UTRN: variants seen among roughly 807,000 people sequenced by gnomAD.
UTRN encodes dystrophin-related protein 1.
A neutral mutation model predicts 463.9 loss-of-function variants in UTRN; 283 were observed. That is an observed-to-expected ratio of 0.61 (90% CI 0.55 to 0.67). The LOEUF (loss-of-function observed/expected upper bound fraction) is 0.67, where lower values mean the gene tolerates loss of function less well. Among genes scored for constraint, UTRN ranks in the 30% least tolerant of loss-of-function variants. The pLI is 0.00. For synonymous variants in UTRN, 1,442 were observed against 1,431.5 expected, an observed-to-expected ratio of 1.01 and a Z score of -0.17; for missense variants, 3,922 against 4,084.3, an observed-to-expected ratio of 0.96 and a Z score of 1.08.
intron 34 of UTRN, among the ~76,000 whole-genome samples, chr6:144,502,110 T>G (rs1450817775): frequency 2.6e-5 from 4 of 151,992 alleles, no homozygotes; most frequent in African/African-American, 7.2e-5. Context: ...AGTTTTATTT[T>G]TTTTTTGAAA....
intron 63 of UTRN, 111 bp downstream of exon 63, chr6:144,794,102 G>A (rs1481014602): frequency 1.4e-6 from 2 of 1,423,204 alleles, no homozygotes; most frequent in Non-Finnish European, 1.9e-6. Flanking sequence ...GAAGACTTTG[G>A]GTACCATCCA....
intron 3 of UTRN, among the ~76,000 whole-genome samples, chr6:144,411,584 A>C (rs1375116706): frequency 6.6e-6 from 1 of 152,178 alleles, no homozygotes; most frequent in African/African-American, 2.4e-5. Context: ...ACATTCTGTT[A>C]CATGTCTGTA....
At chr6:144,729,348 A>G (rs1007042285) in intron 53 of UTRN, among the ~76,000 whole-genome samples, 3 of 152,184 alleles carry the variant, frequency 2.0e-5, no homozygotes, top group Non-Finnish European at 2.9e-5. Flanking sequence ...CTAGCCTGCA[A>G]ATACTGTAGC....
At chr6:144,439,914 G>A (rs2114899678) in intron 12 of UTRN, among the ~76,000 whole-genome samples, 1 of 152,288 alleles carries the variant, frequency 6.6e-6, no homozygotes, top group South Asian at 2.1e-4. Context: ...GCTAATCAGA[G>A]TAACTTTTGA....
chr6:144,470,613 C>T (rs1286273932), intron 23 of UTRN, among the ~76,000 whole-genome samples: 2 of 152,116 alleles, frequency 1.3e-5, no homozygotes, highest in African/African-American at 4.8e-5. Context: ...CTCCTCACTT[C>T]TTAGACGGGG....
At chr6:144,411,855 T>G (rs1470706154) in intron 3 of UTRN, among the ~76,000 whole-genome samples, 2 of 152,172 alleles carry the variant, frequency 1.3e-5, no homozygotes, top group Non-Finnish European at 2.9e-5. Context: ...TTTTCAATTC[T>G]TAGCAACTTA....
At chr6:144,396,779 AT>A (rs1257212347) in intron 2 of UTRN, among the ~76,000 whole-genome samples, 2 of 152,216 alleles carry the variant, frequency 1.3e-5, no homozygotes, top group Admixed American at 1.3e-4. Context: ...TCTTGATTTG[AT>A]TTATGGCACC....
intron 42 of UTRN, among the ~76,000 whole-genome samples, chr6:144,531,623 G>A (rs542747723): frequency 5.3e-4 from 81 of 152,130 alleles, no homozygotes; most frequent in Admixed American, 1.3e-3. Context: ...ATTCTGGAGC[G>A]ACAGCAGGGC....
At chr6:144,425,042 T>G (rs1785174431) in intron 6 of UTRN, among the ~76,000 whole-genome samples, 1 of 152,212 alleles carries the variant, frequency 6.6e-6, no homozygotes, top group African/African-American at 2.4e-5. Flanking sequence ...AATAATATCC[T>G]TAGTAGCAAA....
In UTRN at chr6:144,710,538, G is replaced by A. The variant is rs187248204; in HGVS notation, c.7809+10295G>A. On this transcript the variant is annotated intron_variant, in intron 53 of 74. Transcript: ENST00000367545. ...ATTGTTGATCCTTAATTAAATGTGC[G>A]TACTTTCTTGGGTGTTTTAATCAGT... Among the ~76,000 whole-genome samples, 295 of 150,668 alleles carry A rather than the reference G, an allele frequency of 2.0e-3. 3 individuals carry two copies. The East Asian group carries it at 0.046, about 23-fold the overall frequency.
chr6:144,659,537 T>G (rs1481733607), intron 51 of UTRN, among the ~76,000 whole-genome samples: 1 of 152,116 alleles, frequency 6.6e-6, no homozygotes, highest in Non-Finnish European at 1.5e-5. Context: ...CAGGCTGACC[T>G]AGGGAAATGG....
At position 144,712,846 on chromosome 6, in the gene UTRN, G is replaced by C. The variant is rs181614784; in HGVS notation, c.7809+12603G>C. Among the ~76,000 whole-genome samples, 5 of 152,282 alleles carry C rather than the reference G, an allele frequency of 3.3e-5. No individual in the cohort carries two copies. The East Asian group carries it at 7.7e-4, about 24-fold the overall frequency. Reference sequence around the variant, plus strand: ...CTGAAAGATGCCTTGGAATAAGTAAGAAATCACTAAAGGTGTTACCAAAAT... The same window carrying C: ...CTGAAAGATGCCTTGGAATAAGTAACAAATCACTAAAGGTGTTACCAAAAT... On this transcript the variant is annotated intron_variant, in intron 53 of 74. Transcript: ENST00000367545.
At chr6:144,291,269 A>G (rs1194220795) in intron 1 of UTRN, among the ~76,000 whole-genome samples, 1 of 152,238 alleles carries the variant, frequency 6.6e-6, no homozygotes. Flanking sequence ...TTCCAGAAAC[A>G]CTGGCTTGTG....
rs563042014 is a variant in UTRN at position 144,421,428 on chromosome 6, G to A, written c.142-450G>A. Among the ~76,000 whole-genome samples the A allele has an allele frequency of 4.6e-5, 7 of 152,186 alleles. No homozygotes were observed. In the East Asian group the frequency reaches 1.2e-3, roughly 25 times the overall value. ...ATTTGGGCCGGGTGCAGTGGCTCAC[G>A]CCTGTAATCCCAGCACTTTGGGAGG... On this transcript the variant is annotated intron_variant, in intron 3 of 74. Coordinates refer to ENST00000367545, the MANE Select transcript of UTRN (RefSeq NM_007124.3).
intron 2 of UTRN, among the ~76,000 whole-genome samples, chr6:144,369,724 A>G (rs980735177): frequency 6.6e-6 from 1 of 152,248 alleles, no homozygotes; most frequent in Non-Finnish European, 1.5e-5. Context: ...TGTATCTCCC[A>G]TAATTCCCAC....
At chr6:144,710,944 G>A (rs1785623216) in intron 53 of UTRN, among the ~76,000 whole-genome samples, 1 of 152,106 alleles carries the variant, frequency 6.6e-6, no homozygotes, top group African/African-American at 2.4e-5. Context: ...TTTTTTTCGT[G>A]TAAGTACATG....
At chr6:144,481,235 G>A (rs982575335) in intron 26 of UTRN, among the ~76,000 whole-genome samples, 1 of 152,164 alleles carries the variant, frequency 6.6e-6, no homozygotes, top group Non-Finnish European at 1.5e-5. Flanking sequence ...TTAAGTAGTA[G>A]AGAAAAGTAA....
At chr6:144,555,369 G>A in intron 49 of UTRN, among the ~76,000 whole-genome samples, 1 of 152,258 alleles carries the variant, frequency 6.6e-6, no homozygotes, top group Non-Finnish European at 1.5e-5. Context: ...GAAGGCAAAG[G>A]GGAAGCAGGC....
rs544133198 is a variant in UTRN at position 144,368,698 on chromosome 6, T to C, written c.80-34425T>C. Reference sequence around the variant, plus strand: ...CTGAGGCAGGAGAGTCGCTTGAACCTGGGAGGAGGAGGTTGCAGTGAGCCC... The same window carrying C: ...CTGAGGCAGGAGAGTCGCTTGAACCCGGGAGGAGGAGGTTGCAGTGAGCCC... On this transcript the variant is annotated intron_variant, in intron 2 of 74. Coordinates refer to ENST00000367545, the MANE Select transcript of UTRN (RefSeq NM_007124.3). Among the ~76,000 whole-genome samples, 11 of 151,984 alleles carry C rather than the reference T, an allele frequency of 7.2e-5. No individual in the cohort carries two copies. The South Asian group carries it at 2.3e-3, about 32-fold the overall frequency.
Sources: allele counts gnomAD v4.1 joint callset (sites outside exome capture counted in the v4.1 genomes callset), GRCh38; gene constraint gnomAD v4.1.1; transcripts MANE v1.5; gene names NCBI Gene and HGNC (gene_info 2026-07-23, HGNC 2026-07-21).